The following SAP130 variants were observed in gnomAD, a reference collection of about 807,000 sequenced individuals.
The protein encoded by SAP130 is Sin3A associated protein 130, also known as histone deacetylase complex subunit SAP130.
Under a neutral mutation model 103.2 loss-of-function variants are expected in SAP130, and 16 were observed. The observed-to-expected ratio is 0.16, with a 90% CI of 0.10 to 0.24. SAP130 has a LOEUF of 0.24. Among genes scored for constraint, SAP130 ranks in the 10% least tolerant of loss-of-function variants. SAP130 has a pLI of 1.00. For synonymous variants in SAP130, 477 were observed against 497.0 expected (o/e 0.96, Z 0.53); for missense variants, 990 against 1,359.7 (o/e 0.73, Z 4.28).
chr2:127,971,286 CTTTTTT>C (rs70985494), intron 15 of SAP130, among the ~76,000 whole-genome samples: 1 of 104,342 alleles, frequency 9.6e-6, no homozygotes, highest in Non-Finnish European at 2.1e-5. Flanking sequence ...TTTTTCATTT[CTTTTTT>C]TTTTTTTTTT....
At chr2:128,023,137 G>A (rs964819644) in intron 2 of SAP130, among the ~76,000 whole-genome samples, 4 of 151,932 alleles carry the variant, frequency 2.6e-5, no homozygotes, top group Non-Finnish European at 5.9e-5. Context: ...CGGGATTACC[G>A]GCACCCACCA....
intron 7 of SAP130, among the ~76,000 whole-genome samples, chr2:128,001,364 T>C (rs540588104): frequency 6.6e-6 from 1 of 152,338 alleles, no homozygotes; most frequent in South Asian, 2.1e-4. Context: ...AGTGAGACCC[T>C]GTCTCCAATA....
intron 15 of SAP130, among the ~76,000 whole-genome samples, chr2:127,969,786 C>T (rs1248251345): frequency 2.0e-5 from 3 of 152,182 alleles, no homozygotes; most frequent in African/African-American, 4.8e-5. Context: ...GTCCTAATTT[C>T]CCCTTTTTCT....
chr2:127,952,200 C>T (rs182534538), intron 16 of SAP130, among the ~76,000 whole-genome samples: 1 of 152,210 alleles, frequency 6.6e-6, no homozygotes, highest in East Asian at 1.9e-4. Context: ...CTCACATAAC[C>T]CTAGCACTTT....
Position 127,999,812 on chromosome 2 carries a change from G to A in SAP130, c.1142C>T (p.Thr381Ile). Reference sequence around the variant, plus strand: ...GGAGGGTACTGTCATGGTAACAATGGTACTTGTGGGAGCTTGCGTGTGTGA... The same window carrying A: ...GGAGGGTACTGTCATGGTAACAATGATACTTGTGGGAGCTTGCGTGTGTGA... ...SVSHTQAPTS[T>I]IVTMTVPSHS... The change falls in exon 10 of 21, where the codon ACC (threonine) becomes ATC (isoleucine). Residue 381 changes from threonine to isoleucine, a missense_variant. By Grantham distance (89) the Thr-to-Ile change is moderately conservative (BLOSUM62 -1). Transcript: ENST00000643581. The A allele has an allele frequency of 1.3e-6, 2 of 1,536,872 alleles. No homozygotes were observed. The highest frequency in any genetic ancestry group is 1.7e-6 in the Non-Finnish European group (2 of 1,145,622).
chr2:127,961,349 T>C (rs746186565), intron 15 of SAP130, among the ~76,000 whole-genome samples: 1 of 151,366 alleles, frequency 6.6e-6, no homozygotes, highest in African/African-American at 2.4e-5. Context: ...GGTCTTGCTA[T>C]GTTGCCCAGG....
At chr2:127,973,050 G>A (rs946478646) in intron 15 of SAP130, among the ~76,000 whole-genome samples, 10 of 152,140 alleles carry the variant, frequency 6.6e-5, no homozygotes, top group Non-Finnish European at 1.0e-4. Context: ...CACTTTTTCT[G>A]GTTTTTCATT....
rs755292091 is a variant in SAP130 at position 127,989,915 on chromosome 2, A to T, written c.1478-49T>A. 4 of 1,546,066 alleles carry T rather than the reference A, an allele frequency of 2.6e-6. No homozygotes were observed. In the Admixed American group the frequency reaches 7.0e-5, roughly 27 times the overall value. ...TATAAGAAGGTTAGCTTCATTTCAC[A>T]CAGTCCACATAAAGAGAGAAACACT... On this transcript the variant is annotated intron_variant, in intron 12 of 20. Coordinates refer to ENST00000643581, the MANE Select transcript of SAP130 (RefSeq NM_001330301.2). This position sits in a 1 kb window ranked among gnomAD's most constrained non-coding sequence, Gnocchi z 4.6.
At chr2:127,997,147 G>C (rs962210519) in intron 10 of SAP130, among the ~76,000 whole-genome samples, 1 of 152,100 alleles carries the variant, frequency 6.6e-6, no homozygotes, top group African/African-American at 2.4e-5. Flanking sequence ...ATACTTTAGA[G>C]CAAAATTAAA....
At chr2:127,957,352 A>G (rs1459247754) in intron 15 of SAP130, among the ~76,000 whole-genome samples, 1 of 152,198 alleles carries the variant, frequency 6.6e-6, no homozygotes, top group Non-Finnish European at 1.5e-5. Context: ...AAAAAACACT[A>G]GAGTCTGAAC....
chr2:127,963,608 T>C (rs549422004), intron 15 of SAP130, among the ~76,000 whole-genome samples: 1 of 152,276 alleles, frequency 6.6e-6, no homozygotes, highest in East Asian at 1.9e-4. Context: ...TGGCTCTGTG[T>C]CCCCACACAA....
intron 13 of SAP130, among the ~76,000 whole-genome samples, chr2:127,987,180 T>C (rs1255624847): frequency 6.6e-6 from 1 of 152,184 alleles, no homozygotes; most frequent in Non-Finnish European, 1.5e-5. Flanking sequence ...ATCCATACCA[T>C]TATTTTTTCT....
intron 5 of SAP130, among the ~76,000 whole-genome samples, chr2:128,014,223 C>A (rs1288540729): frequency 7.0e-6 from 1 of 142,298 alleles, no homozygotes; most frequent in Non-Finnish European, 1.5e-5. Context: ...TACTGTCTTG[C>A]GATTTTTTTT....
intron 15 of SAP130, among the ~76,000 whole-genome samples, chr2:127,975,743 G>A (rs1185582365): frequency 6.6e-6 from 1 of 152,132 alleles, no homozygotes; most frequent in African/African-American, 2.4e-5. Flanking sequence ...CAGAAAGATG[G>A]TACTATAAAG....
At chr2:128,024,468 C>T (rs10197900) in intron 2 of SAP130, among the ~76,000 whole-genome samples, 2 of 152,066 alleles carry the variant, frequency 1.3e-5, no homozygotes, top group African/African-American at 4.8e-5. Flanking sequence ...GATCCTAACA[C>T]TTTGGGAGGC....
At chr2:128,001,620 T>C (rs1055008109) in intron 7 of SAP130, among the ~76,000 whole-genome samples, 1 of 152,208 alleles carries the variant, frequency 6.6e-6, no homozygotes, top group African/African-American at 2.4e-5. Flanking sequence ...ACAAATACCA[T>C]AGTGTTACAA....
In SAP130 at chr2:127,978,051, G is replaced by A; in HGVS notation, c.1997C>T (p.Pro666Leu). 6.4e-7 allele frequency: 1 copy of A among 1,551,802 alleles called. No homozygotes were observed. Among genetic ancestry groups the A allele is most frequent in the Non-Finnish European group, 8.7e-7 (1 of 1,147,010 alleles). The change falls in exon 15 of 21, where the codon CCT (proline) becomes CTT (leucine). Residue 666 changes from proline to leucine, a missense_variant. By Grantham distance (98) the Pro-to-Leu change is moderately conservative. Transcript: ENST00000643581. ...VRKTLIPPQP[P>L]DVASPRVESS... ...TTCCACTCGAGGACTAGCAACATCA[G>A]GAGGCTGAGGAGGAATGAGGGTTTT...
intron 7 of SAP130, among the ~76,000 whole-genome samples, chr2:128,007,373 G>A (rs751309435): frequency 2.6e-5 from 4 of 152,178 alleles, no homozygotes; most frequent in Non-Finnish European, 2.9e-5. Flanking sequence ...TAGGTTATAC[G>A]CAAATACTAT....
intron 14 of SAP130, among the ~76,000 whole-genome samples, chr2:127,985,337 C>T (rs1682298343): frequency 6.6e-6 from 1 of 152,172 alleles, no homozygotes. Context: ...CTGGTATATG[C>T]ACAGCTCTGT....
Sources: gnomAD v4.1 joint callset for allele counts (sites outside exome capture counted in the v4.1 genomes callset) on GRCh38, gnomAD v4.1.1 for gene constraint, Gnocchi (gnomAD v3.1) non-coding constraint, MANE v1.5 for transcripts, NCBI Gene and HGNC (gene_info 2026-07-23, HGNC 2026-07-21) for gene names.